RBFOX1: variants seen among roughly 807,000 people sequenced by gnomAD.
The protein encoded by RBFOX1 is RNA binding protein fox-1 homolog 1.
In RBFOX1, 8 loss-of-function variants were observed where a neutral mutation model predicts 57.7. That is an observed-to-expected ratio of 0.14 (90% CI 0.08 to 0.25). RBFOX1 has a LOEUF of 0.25. Ranked by LOEUF, RBFOX1 falls within the 10% of genes least tolerant of loss-of-function variation. RBFOX1 has a pLI of 1.00. For synonymous variants in RBFOX1, 326 were observed against 222.4 expected, an observed-to-expected ratio of 1.47 and a Z score of -4.15; for missense variants, 611 against 548.5, an observed-to-expected ratio of 1.11 and a Z score of -1.14.
chr16:6,669,892 T>G (rs12449029), intron 3 of RBFOX1, among the ~76,000 whole-genome samples: 2 of 152,032 alleles, frequency 1.3e-5, no homozygotes, highest in Admixed American at 6.5e-5. Context: ...CTTATCATCC[T>G]AAGTAACCGA....
chr16:6,790,238 G>A (rs959385715), intron 3 of RBFOX1, among the ~76,000 whole-genome samples: 1 of 150,646 alleles, frequency 6.6e-6, no homozygotes, highest in African/African-American at 2.4e-5. Flanking sequence ...AGGCTGGAAT[G>A]CAGTGGTACA....
At chr16:6,898,869 A>G (rs1013980317) in intron 3 of RBFOX1, among the ~76,000 whole-genome samples, 1 of 142,834 alleles carries the variant, frequency 7.0e-6, no homozygotes, top group African/African-American at 2.9e-5. Flanking sequence ...TATTACACAC[A>G]TGTACACGTG....
At chr16:6,429,688 G>T (rs904673816) in intron 2 of RBFOX1, among the ~76,000 whole-genome samples, 1 of 152,178 alleles carries the variant, frequency 6.6e-6, no homozygotes, top group African/African-American at 2.4e-5. Context: ...GAGTGAATAA[G>T]TCTCATGAGA....
intron 2 of RBFOX1, among the ~76,000 whole-genome samples, chr16:6,597,947 G>A (rs1659931799): frequency 1.3e-5 from 2 of 152,184 alleles, no homozygotes; most frequent in Admixed American, 1.3e-4. Context: ...AAAGTAGAAG[G>A]AACTTTGGTC....
intron 4 of RBFOX1, among the ~76,000 whole-genome samples, chr16:7,138,645 C>T (rs945548814): frequency 1.3e-5 from 2 of 152,154 alleles, no homozygotes; most frequent in Admixed American, 6.5e-5. Context: ...CACCTGGGGC[C>T]TACAAAGGTG....
intron 3 of RBFOX1, among the ~76,000 whole-genome samples, chr16:6,817,631 A>G (rs926213984): frequency 6.6e-6 from 1 of 151,760 alleles, no homozygotes; most frequent in African/African-American, 2.4e-5. Context: ...ACTTGAACCC[A>G]GGAGGAGGTT....
At chr16:7,658,926 T>C (rs1568326115) in intron 12 of RBFOX1, among the ~76,000 whole-genome samples, 2 of 152,294 alleles carry the variant, frequency 1.3e-5, no homozygotes, top group South Asian at 4.1e-4. Flanking sequence ...GGTTTCACCA[T>C]ATTGGCCAGG....
chr16:5,364,018 A>T (rs535660372), intron 1 of RBFOX1, among the ~76,000 whole-genome samples: 17 of 152,248 alleles, frequency 1.1e-4, no homozygotes, highest in Non-Finnish European at 1.9e-4. Context: ...AAACCAACCT[A>T]GAGTTAGTAG....
chr16:6,934,071 C>T (rs540292589), intron 3 of RBFOX1, among the ~76,000 whole-genome samples: 28 of 152,264 alleles, frequency 1.8e-4, no homozygotes, highest in Middle Eastern at 3.4e-3. Context: ...TGAGGGTAGG[C>T]GTACGACAGC....
chr16:6,146,219 A>T (rs2096757067), intron 1 of RBFOX1, among the ~76,000 whole-genome samples: 1 of 152,204 alleles, frequency 6.6e-6, no homozygotes, highest in Non-Finnish European at 1.5e-5. Flanking sequence ...GGAGAGACTC[A>T]GCTTGGCACA....
At chr16:7,584,844 T>G (rs1163411479) in intron 6 of RBFOX1, among the ~76,000 whole-genome samples, 1 of 152,218 alleles carries the variant, frequency 6.6e-6, no homozygotes, top group Non-Finnish European at 1.5e-5. Context: ...TCTTTGGGCT[T>G]GTTTCACCGG....
intron 14 of RBFOX1, among the ~76,000 whole-genome samples, chr16:7,685,579 C>G (rs1003116121): frequency 6.6e-6 from 1 of 152,026 alleles, no homozygotes; most frequent in African/African-American, 2.4e-5. Flanking sequence ...AGAAGGTGAA[C>G]ATTATAAACT....
intron 1 of RBFOX1, chr16:5,365,733 C>T: frequency 2.3e-6 from 1 of 432,312 alleles, no homozygotes; most frequent in Non-Finnish European, 4.5e-6. Flanking sequence ...TGGCTGTTCT[C>T]TTGAGCAGTG....
At chr16:7,209,575 C>T (rs562481262) in intron 4 of RBFOX1, among the ~76,000 whole-genome samples, 1 of 152,282 alleles carries the variant, frequency 6.6e-6, no homozygotes, top group African/African-American at 2.4e-5. Flanking sequence ...AAGAGGCCAA[C>T]CCTCACCTTC....
At chr16:5,914,769 C>A (rs1483226936) in intron 4 of RBFOX1, among the ~76,000 whole-genome samples, 1 of 152,112 alleles carries the variant, frequency 6.6e-6, no homozygotes, top group Non-Finnish European at 1.5e-5. Flanking sequence ...GTGGCAGGCG[C>A]CTGTAGTCCC....
chr16:6,728,199 G>A (rs9922564), intron 3 of RBFOX1, among the ~76,000 whole-genome samples: 102,680 of 152,042 alleles, frequency 0.68, 36,716 homozygotes, highest in Non-Finnish European at 0.8. Context: ...CACTTCTTAC[G>A]GTCATTGTAT....
chr16:7,159,208 G>A (rs1180814782), intron 4 of RBFOX1, among the ~76,000 whole-genome samples: 3 of 152,130 alleles, frequency 2.0e-5, no homozygotes, highest in African/African-American at 7.2e-5. Flanking sequence ...GATTGTCTTA[G>A]ATTGCTGAGT....
chr16:6,897,512 G>C (rs1160179325), intron 3 of RBFOX1, among the ~76,000 whole-genome samples: 2 of 152,254 alleles, frequency 1.3e-5, no homozygotes, highest in African/African-American at 4.8e-5. Context: ...CAGAAGTCCA[G>C]GTTGGGTGCA....
At chr16:6,684,483 C>A (rs575973363) in intron 3 of RBFOX1, among the ~76,000 whole-genome samples, 4 of 152,304 alleles carry the variant, frequency 2.6e-5, no homozygotes, top group Admixed American at 2.6e-4. Flanking sequence ...GAACTTAAGT[C>A]TTGCAAACAT....
Sources: gnomAD v4.1 joint callset for allele counts (sites outside exome capture counted in the v4.1 genomes callset) on GRCh38, gnomAD v4.1.1 for gene constraint, MANE v1.5 for transcripts, NCBI Gene and HGNC (gene_info 2026-07-23, HGNC 2026-07-21) for gene names.